The following SYNDIG1 variants were observed in gnomAD, a reference collection of about 807,000 sequenced individuals.
SYNDIG1 encodes synapse differentiation-inducing gene protein 1.
Under a neutral mutation model 19.4 loss-of-function variants are expected in SYNDIG1, and 9 were observed. The observed-to-expected ratio is 0.46, with a 90% CI of 0.28 to 0.81. SYNDIG1 has a LOEUF of 0.81. Among genes scored for constraint, SYNDIG1 ranks in the 30% least tolerant of loss-of-function variants. The pLI, the probability that SYNDIG1 is intolerant of heterozygous loss-of-function variation, is 0.12. For missense variants in SYNDIG1, 311 were observed against 343.3 expected, an observed-to-expected ratio of 0.91 and a Z score of 0.74; for synonymous variants, 141 against 145.9, an observed-to-expected ratio of 0.97 and a Z score of 0.24.
intron 2 of SYNDIG1, among the ~76,000 whole-genome samples, chr20:24,579,954 C>T (rs1341064492): frequency 1.3e-5 from 2 of 152,146 alleles, no homozygotes; most frequent in Non-Finnish European, 2.9e-5. Flanking sequence ...AAGAAAACCC[C>T]GAGGGAACTG....
chr20:24,603,906 C>T (rs893357603), intron 3 of SYNDIG1, among the ~76,000 whole-genome samples: 1 of 152,078 alleles, frequency 6.6e-6, no homozygotes, highest in Non-Finnish European at 1.5e-5. Context: ...ACTCAACTGC[C>T]CCCAACCAGG....
rs146175694 is a variant in SYNDIG1 at position 24,607,952 on chromosome 20, T to G, written c.618+22959T>G. Among the ~76,000 whole-genome samples, 720 of 152,352 alleles carry G rather than the reference T, an allele frequency of 4.7e-3. 1 individual carries two copies. The highest frequency in any genetic ancestry group is 7.4e-3 in the Non-Finnish European group (505 of 68,038). ...TAAAATACAGGTTTATACAGAAATC[T>G]ATTTTAAACACTTTTCCCGGATGAG... On this transcript the variant is annotated intron_variant, in intron 3 of 3. Coordinates refer to ENST00000376862, the MANE Select transcript of SYNDIG1 (RefSeq NM_024893.3).
chr20:24,598,738 T>G (rs993476723), intron 3 of SYNDIG1, among the ~76,000 whole-genome samples: 36 of 152,270 alleles, frequency 2.4e-4, no homozygotes, highest in African/African-American at 8.2e-4. Context: ...TTTTTAATTA[T>G]GTCTTATCAG....
chr20:24,528,472 C>G (rs1415764283), intron 1 of SYNDIG1, among the ~76,000 whole-genome samples: 1 of 152,128 alleles, frequency 6.6e-6, no homozygotes, highest in Non-Finnish European at 1.5e-5. Flanking sequence ...GCCGGGAAGT[C>G]CAACATTGAA....
At position 24,512,496 on chromosome 20, in the gene SYNDIG1, C is replaced by T. The variant is rs116077132; in HGVS notation, c.-78-30524C>T. On this transcript the variant is annotated intron_variant, in intron 1 of 3. Transcript: ENST00000376862. ...AACGGCACACCAAGAGATTATATCTCGTGCCTGGCTCCGAGGGTCCCACGC... is the reference window on the plus strand; with the variant it reads ...AACGGCACACCAAGAGATTATATCTTGTGCCTGGCTCCGAGGGTCCCACGC... Among the ~76,000 whole-genome samples the T allele has an allele frequency of 2.6e-5, 4 of 151,986 alleles. No individual in the cohort carries two copies. In the South Asian group the frequency reaches 6.2e-4, roughly 24 times the overall value.
At chr20:24,606,009 CTT>C (rs1228948198) in intron 3 of SYNDIG1, among the ~76,000 whole-genome samples, 1 of 152,250 alleles carries the variant, frequency 6.6e-6, no homozygotes, top group African/African-American at 2.4e-5. Context: ...TTTTGCATCT[CTT>C]TTAAGATCGA....
Position 24,547,612 on chromosome 20 carries a change from GGCA to G in SYNDIG1, c.480+4036_480+4038del, listed in dbSNP as rs1385384768. 2.6e-5 allele frequency among the ~76,000 whole-genome samples: 4 copies of G among 152,224 alleles called. No individual in the cohort carries two copies. The East Asian group carries it at 7.8e-4, about 30-fold the overall frequency. On this transcript the variant is annotated intron_variant, in intron 2 of 3. Coordinates refer to ENST00000376862, the MANE Select transcript of SYNDIG1 (RefSeq NM_024893.3). ...AGGCATCCTGTGGGGGTGCCCTCAG[GGCA>G]TCCTGGGTAGTGATAATTGGGCCTG...
At chr20:24,512,320 G>A (rs1461232262) in intron 1 of SYNDIG1, among the ~76,000 whole-genome samples, 2 of 151,190 alleles carry the variant, frequency 1.3e-5, no homozygotes, top group Admixed American at 1.3e-4. Context: ...CCCACTGAGT[G>A]TGAGCCAAAG....
intron 3 of SYNDIG1, among the ~76,000 whole-genome samples, chr20:24,601,016 G>A (rs1474599434): frequency 6.6e-6 from 1 of 152,180 alleles, no homozygotes; most frequent in Non-Finnish European, 1.5e-5. Flanking sequence ...TCACTGTTAA[G>A]TAGGCTCTTT....
At position 24,514,758 on chromosome 20, in the gene SYNDIG1, C is replaced by T. The variant is rs571516237; in HGVS notation, c.-78-28262C>T. 2.6e-5 allele frequency among the ~76,000 whole-genome samples: 4 copies of T among 152,280 alleles called. No individual in the cohort carries two copies. In the South Asian group the frequency reaches 6.2e-4, roughly 24 times the overall value. The stretch of plus-strand genomic sequence containing the variant: ...AAGGATATCCAGGAATTGAACTCAG[C>T]TCTGCACCAAGTGGACCTAATAGAC... On this transcript the variant is annotated intron_variant, in intron 1 of 3. Transcript: ENST00000376862.
At chr20:24,514,040 G>A (rs925985797) in intron 1 of SYNDIG1, among the ~76,000 whole-genome samples, 1 of 152,144 alleles carries the variant, frequency 6.6e-6, no homozygotes, top group Non-Finnish European at 1.5e-5. Context: ...CATAAGTGAA[G>A]GAGAAATAAA....
At chr20:24,495,432 C>A (rs573894178) in intron 1 of SYNDIG1, 2 of 152,382 alleles carry the variant, frequency 1.3e-5, no homozygotes, top group Admixed American at 1.3e-4. Flanking sequence ...AGTCCCAGCC[C>A]GCTTCATCCA....
At chr20:24,480,517 T>G (rs577215921) in intron 1 of SYNDIG1, among the ~76,000 whole-genome samples, 3 of 152,306 alleles carry the variant, frequency 2.0e-5, no homozygotes, top group Non-Finnish European at 4.4e-5. Context: ...CCATGTGCAC[T>G]ACTTGGGGAA....
At chr20:24,527,778 G>T (rs1160970413) in intron 1 of SYNDIG1, among the ~76,000 whole-genome samples, 1 of 152,100 alleles carries the variant, frequency 6.6e-6, no homozygotes, top group African/African-American at 2.4e-5. Flanking sequence ...CTGCAGCAGC[G>T]TCACCTATGA....
intron 1 of SYNDIG1, among the ~76,000 whole-genome samples, chr20:24,474,178 A>T (rs1012447319): frequency 6.6e-6 from 1 of 152,242 alleles, no homozygotes; most frequent in African/African-American, 2.4e-5. Context: ...TAAAACTTAC[A>T]TGATGCATTC....
chr20:24,552,691 T>C (rs2057728802), intron 2 of SYNDIG1, among the ~76,000 whole-genome samples: 1 of 152,226 alleles, frequency 6.6e-6, no homozygotes, highest in Non-Finnish European at 1.5e-5. Flanking sequence ...TGCCACATTT[T>C]CTTAATCCAG....
intron 3 of SYNDIG1, among the ~76,000 whole-genome samples, chr20:24,628,433 C>T (rs961778768): frequency 6.6e-6 from 1 of 152,202 alleles, no homozygotes. Context: ...GGACCATCAA[C>T]TGAGGTGGCC....
intron 3 of SYNDIG1, among the ~76,000 whole-genome samples, chr20:24,639,531 A>C (rs1352345392): frequency 1.3e-5 from 2 of 152,210 alleles, no homozygotes; most frequent in African/African-American, 4.8e-5. Flanking sequence ...AGTGTGAGTG[A>C]TGGGGACACT....
intron 3 of SYNDIG1, among the ~76,000 whole-genome samples, chr20:24,645,537 G>A (rs77750323): frequency 5.6e-4 from 86 of 152,294 alleles, no homozygotes; most frequent in African/African-American, 2.0e-3. Flanking sequence ...AGAGGACAAC[G>A]GAGAGTGAAA....
Sources: allele counts gnomAD v4.1 joint callset (sites outside exome capture counted in the v4.1 genomes callset), GRCh38; gene constraint gnomAD v4.1.1; transcripts MANE v1.5; gene names NCBI Gene and HGNC (gene_info 2026-07-23, HGNC 2026-07-21).